Variants in MICAL2 observed in about 807,000 individuals in gnomAD.
MICAL2 encodes the protein microtubule associated monooxygenase, calponin and LIM domain containing 2.
A neutral mutation model predicts 127.3 loss-of-function variants in MICAL2; 77 were observed. The observed-to-expected ratio is 0.60, with a 90% CI of 0.50 to 0.73. The LOEUF is 0.73. Ranked by LOEUF, MICAL2 falls within the 30% of genes least tolerant of loss-of-function variation. MICAL2 has a pLI of 0.00. For missense variants in MICAL2, 1,351 were observed against 1,434.4 expected (o/e 0.94, Z 0.94); for synonymous variants, 570 against 551.1 (o/e 1.03, Z -0.48).
chr11:12,279,889 G>A (rs539994351), intron 1 of MICAL2, among the ~76,000 whole-genome samples: 3 of 152,244 alleles, frequency 2.0e-5, no homozygotes, highest in Non-Finnish European at 4.4e-5. Context: ...CCAGGCTTGG[G>A]CACTCTGATG....
At chr11:12,242,794 C>A (rs1042711671) in intron 20 of MICAL2, 22 bp downstream of exon 20, 9 of 1,540,686 alleles carry the variant, frequency 5.8e-6, no homozygotes, top group Non-Finnish European at 8.8e-7. Flanking sequence ...GCTTTCAGAG[C>A]CCCCAGGAAC....
rs935571991 is a variant in MICAL2 at position 12,305,968 on chromosome 11, A to G, written c.5212+11111A>G. ...ATCTAAGAACACCTTATAGCCCTCTATTTAGTCAGATTTTTAAAAATTATT... is the reference window on the plus strand; with the variant it reads ...ATCTAAGAACACCTTATAGCCCTCTGTTTAGTCAGATTTTTAAAAATTATT... On this transcript the variant is annotated intron_variant, in intron 29 of 34. Transcript: ENST00000646065. Among the ~76,000 whole-genome samples, 3 of 152,276 alleles carry G rather than the reference A, an allele frequency of 2.0e-5. 1 individual carries two copies. The highest frequency in any genetic ancestry group is 2.0e-4 in the Admixed American group (3 of 15,298).
chr11:12,118,864 G>A (rs1046554131), intron 1 of MICAL2, among the ~76,000 whole-genome samples: 2 of 152,146 alleles, frequency 1.3e-5, no homozygotes, highest in Admixed American at 6.5e-5. Context: ...GGTTTTTGTT[G>A]TTGTTGTTGT....
intron 3 of MICAL2, among the ~76,000 whole-genome samples, chr11:12,172,590 G>A (rs1856402625): frequency 6.6e-6 from 1 of 152,130 alleles, no homozygotes; most frequent in Non-Finnish European, 1.5e-5. Context: ...TTTCTCCTCA[G>A]TTCAGGTAAA....
At position 12,259,759 on chromosome 11, in the gene MICAL2, T is replaced by G. The variant is rs761362088; in HGVS notation, c.3232-36T>G. 5 of 1,510,984 alleles carry G rather than the reference T, an allele frequency of 3.3e-6. No homozygotes were observed. The Admixed American group carries it at 1.1e-4, about 33-fold the overall frequency. The allele number at this position is 1,510,984 out of a possible 1,614,324, so 93.6% of individuals were successfully genotyped here. On this transcript the variant is annotated intron_variant, in intron 25 of 27. Transcript: ENST00000683283. ...TGTTGAAGTAGTCCTCTGGAAGACT[T>G]ACAGACAAATGCCCTCATTTCCATC...
rs540818285 is a variant in MICAL2, at chr11:12,245,432, T to C, written c.2784+1320T>C. ...GTGTAATTGGGGGTCCCACCCCTGT[T>C]GGCCTCCACCTCTGTGAGGAGAACG... On this transcript the variant is annotated intron_variant, in intron 21 of 27. Coordinates refer to ENST00000683283, the MANE Select transcript of MICAL2 (RefSeq NM_001282663.2). 3.3e-5 allele frequency among the ~76,000 whole-genome samples: 5 copies of C among 152,354 alleles called. No individual in the cohort carries two copies. The South Asian group carries it at 8.3e-4, about 25-fold the overall frequency.
chr11:12,309,784 C>G (rs924999961), intron 29 of MICAL2, among the ~76,000 whole-genome samples: 3 of 152,032 alleles, frequency 2.0e-5, no homozygotes, highest in African/African-American at 7.2e-5. Context: ...CTTTATATTC[C>G]CACCAACAGT....
chr11:12,330,900 A>AGTGTGTGTGTGTGTGTGTGT (rs200754218), intron 32 of MICAL2, among the ~76,000 whole-genome samples: 1 of 119,348 alleles, frequency 8.4e-6, no homozygotes, highest in Non-Finnish European at 1.8e-5. Context: ...AGAGAGAGAG[A>AGTGTGTGTGTGTGTGTGTGT]GTGTGTGTGT....
At chr11:12,179,576 T>C (rs1351814507) in intron 3 of MICAL2, among the ~76,000 whole-genome samples, 1 of 152,200 alleles carries the variant, frequency 6.6e-6, no homozygotes, top group African/African-American at 2.4e-5. Context: ...GTCCTCCCGA[T>C]CCACCTGCCT....
intron 32 of MICAL2, among the ~76,000 whole-genome samples, chr11:12,346,062 G>C (rs1313511921): frequency 6.6e-6 from 1 of 151,858 alleles, no homozygotes; most frequent in African/African-American, 2.4e-5. Context: ...GTGGTTAGCG[G>C]CCAACCCATT....
At chr11:12,292,448 C>A, downstream of MICAL2, 2 of 817,538 alleles carry the variant, frequency 2.4e-6, no homozygotes, top group Non-Finnish European at 1.9e-6. Context: ...AGGGTCTACC[C>A]CAGCTGCCTT....
intron 1 of MICAL2, among the ~76,000 whole-genome samples, chr11:12,127,202 C>T (rs1044018770): frequency 2.0e-5 from 3 of 152,138 alleles, no homozygotes; most frequent in African/African-American, 4.8e-5. Flanking sequence ...GGGTCTAGCT[C>T]CAGGACATTT....
At chr11:12,226,050 T>C in intron 13 of MICAL2, 121 bp from the exon 14 acceptor site, 1 of 923,230 alleles carries the variant, frequency 1.1e-6, no homozygotes, top group Non-Finnish European at 1.7e-6. Context: ...ATTCCTCCCC[T>C]GTAACCTGCC....
intron 29 of MICAL2, among the ~76,000 whole-genome samples, chr11:12,304,675 C>T (rs879382121): frequency 1.1e-3 from 168 of 151,928 alleles, no homozygotes; most frequent in Non-Finnish European, 2.0e-3. Context: ...CACACACACA[C>T]ACACACACAC....
intron 3 of MICAL2, among the ~76,000 whole-genome samples, chr11:12,176,960 A>G (rs904878497): frequency 1.1e-4 from 16 of 152,174 alleles, no homozygotes; most frequent in Non-Finnish European, 2.2e-4. Flanking sequence ...TTCATGATCT[A>G]TGGATATACG....
At chr11:12,282,863 C>T (rs530002738) in intron 2 of MICAL2, among the ~76,000 whole-genome samples, 5 of 152,270 alleles carry the variant, frequency 3.3e-5, no homozygotes, top group African/African-American at 1.2e-4. Context: ...CTTACAGCAA[C>T]CCTTGCTGGA....
Position 12,220,151 on chromosome 11 carries a change from C to T in MICAL2, c.949-50C>T, listed in dbSNP as rs113782727. On this transcript the variant is annotated intron_variant, in intron 8 of 27. Coordinates refer to ENST00000683283, the MANE Select transcript of MICAL2 (RefSeq NM_001282663.2). ...TTTTGCCAAGAGGTGGGTATGAAGG[C>T]TAGCCCTTTAGAGGGGGAGGTTGCT... 452 of 1,607,026 alleles carry T rather than the reference C, an allele frequency of 2.8e-4. 5 individuals are homozygous for T. The African/African-American group carries it at 5.1e-3, about 18-fold the overall frequency.
intron 2 of MICAL2, 85 bp from the exon 3 acceptor site, chr11:12,161,994 A>T: frequency 1.3e-6 from 1 of 799,686 alleles, no homozygotes; most frequent in Non-Finnish European, 2.0e-6. Context: ...TGTCTTAAAG[A>T]AATTGCATTT....
At chr11:12,235,090 C>T (rs73418150) in intron 15 of MICAL2, among the ~76,000 whole-genome samples, 3 of 152,222 alleles carry the variant, frequency 2.0e-5, no homozygotes, top group South Asian at 2.1e-4. Flanking sequence ...AGAAGGCTCC[C>T]GTGGCTGAAG....
Sources: gnomAD v4.1 joint callset for allele counts (sites outside exome capture counted in the v4.1 genomes callset) on GRCh38, gnomAD v4.1.1 for gene constraint, MANE v1.5 for transcripts, NCBI Gene and HGNC (gene_info 2026-07-23, HGNC 2026-07-21) for gene names.